The following SNX13 variants were observed in gnomAD, a reference collection of about 807,000 sequenced individuals.
SNX13 encodes the protein sorting nexin-13.
SNX13 carries 45 observed loss-of-function variants against 133.6 expected under a neutral mutation model. That is an observed-to-expected ratio of 0.34 (90% CI 0.27 to 0.43). SNX13 has a LOEUF of 0.43. Among genes scored for constraint, SNX13 ranks in the 20% least tolerant of loss-of-function variants. SNX13 has a pLI of 1.00. For synonymous variants in SNX13, 414 were observed against 373.9 expected (o/e 1.11, Z -1.24); for missense variants, 1,032 against 1,145.1 (o/e 0.90, Z 1.43).
chr7:17,877,070 C>T (rs534805849), intron 5 of SNX13, among the ~76,000 whole-genome samples: 1 of 113,936 alleles, frequency 8.8e-6, no homozygotes, highest in African/African-American at 3.4e-5. Flanking sequence ...AAAAAAAAAG[C>T]CTTAAAGAGT....
chr7:17,805,250 T>TGTGTGTGTGTGTGTGTGTGCGC lies in SNX13; in HGVS notation c.2065-1671_2065-1670insGCGCACACACACACACACACAC. On this transcript the variant is annotated intron_variant, in intron 20 of 25. Coordinates refer to ENST00000428135, the MANE Select transcript of SNX13 (RefSeq NM_015132.5). Reference sequence around the variant, plus strand: ...GTGTGTGTGTGTGTGTGTGTGTGTGTGCGTGCGCGCGCGCGCATGCATGCA... The same window carrying TGTGTGTGTGTGTGTGTGTGCGC: ...GTGTGTGTGTGTGTGTGTGTGTGTGTGTGTGTGTGTGTGTGTGTGCGCGCGTGCGCGCGCGCGCATGCATGCA... Among the ~76,000 whole-genome samples, 167 of 95,566 alleles carry TGTGTGTGTGTGTGTGTGTGCGC rather than the reference T, an allele frequency of 1.7e-3. 3 individuals are homozygous for TGTGTGTGTGTGTGTGTGTGCGC. The highest frequency in any genetic ancestry group is 2.9e-3 in the African/African-American group (93 of 31,852). 62.7% of individuals were successfully genotyped at this position (95,566 alleles called of 152,430 possible). A position where few individuals can be genotyped will look rare whatever the true frequency, so the allele number is the denominator to read the frequency against.
chr7:17,796,892 C>A lies in SNX13; in HGVS notation c.2561G>T (p.Arg854Ile). 6.2e-7 allele frequency: 1 copy of A among 1,611,300 alleles called. No homozygotes were observed. Among genetic ancestry groups the A allele is most frequent in the South Asian group, 1.1e-5 (1 of 90,986 alleles). Residue 854 changes from arginine (R) to isoleucine (I), a missense_variant, in exon 25 of 26, where the codon AGA becomes ATA. By Grantham distance (97) the Arg-to-Ile change is moderately conservative. Transcript: ENST00000428135. ...TGTTCTCATTCGAATACTTTTATCTCTGCATGGAACAGCCTCTGCTAAAAT... is the reference window on the plus strand; with the variant it reads ...TGTTCTCATTCGAATACTTTTATCTATGCATGGAACAGCCTCTGCTAAAAT... ...NGILAEAVPCRDKSIRMRTRV... is the reference protein window; with the variant it reads ...NGILAEAVPCIDKSIRMRTRV...
intron 5 of SNX13, among the ~76,000 whole-genome samples, chr7:17,876,956 A>G (rs971045750): frequency 6.6e-6 from 1 of 151,824 alleles, no homozygotes; most frequent in South Asian, 2.1e-4. Context: ...GGAGGAACCA[A>G]AAAAGTATGC....
At chr7:17,817,533 A>AC (rs1342154202) in intron 18 of SNX13, among the ~76,000 whole-genome samples, 1 of 152,228 alleles carries the variant, frequency 6.6e-6, no homozygotes, top group Non-Finnish European at 1.5e-5. Flanking sequence ...TAAAAGAAGG[A>AC]CAAATCTGAT....
chr7:17,794,570 A>G (rs977003994), intron 25 of SNX13: 3 of 316,944 alleles, frequency 9.5e-6, no homozygotes, highest in African/African-American at 6.4e-5. Context: ...AACTATGATT[A>G]CAAACATGTC....
At chr7:17,818,910 A>C (rs1351049967) in intron 18 of SNX13, among the ~76,000 whole-genome samples, 1 of 152,204 alleles carries the variant, frequency 6.6e-6, no homozygotes, top group Non-Finnish European at 1.5e-5. Context: ...TAATATGATC[A>C]TTTAAATCAT....
rs887537475 is a variant in SNX13 at position 17,798,068 on chromosome 7, T to C, written c.2513+622A>G. 1.2e-4 allele frequency among the ~76,000 whole-genome samples: 18 copies of C among 152,000 alleles called. No individual in the cohort carries two copies. In the East Asian group the frequency reaches 3.5e-3, roughly 29 times the overall value. ...CTTTCCTTCCCTTCAAAATACATGATGCCATGAATTTTTACGCATTGCTTA... is the reference window on the plus strand; with the variant it reads ...CTTTCCTTCCCTTCAAAATACATGACGCCATGAATTTTTACGCATTGCTTA... On this transcript the variant is annotated intron_variant, in intron 24 of 25. Coordinates refer to ENST00000428135, the MANE Select transcript of SNX13 (RefSeq NM_015132.5).
intron 20 of SNX13, among the ~76,000 whole-genome samples, chr7:17,805,238 T>TGCGC (rs1314390572): frequency 1.8e-5 from 2 of 113,004 alleles, no homozygotes; most frequent in Non-Finnish European, 3.9e-5. Flanking sequence ...TGTGTGTGTG[T>TGCGC]GTGTGTGTGT....
At chr7:17,820,482 C>T (rs997327974) in intron 18 of SNX13, among the ~76,000 whole-genome samples, 3 of 152,088 alleles carry the variant, frequency 2.0e-5, no homozygotes, top group Non-Finnish European at 4.4e-5. Context: ...CAGAAGAATG[C>T]GCATGTCCAA....
chr7:17,864,486 A>G lies in SNX13; in HGVS notation c.837+3921T>C, dbSNP rs1327705801. Among the ~76,000 whole-genome samples, 3 of 152,150 alleles carry G rather than the reference A, an allele frequency of 2.0e-5. No homozygotes were observed. In the South Asian group the frequency reaches 6.2e-4, roughly 32 times the overall value. ...ATAGAGAAAAAAAGAATCTGAAAACAAATGAAGCATACCCACAAGATCTAG... is the reference window on the plus strand; with the variant it reads ...ATAGAGAAAAAAAGAATCTGAAAACGAATGAAGCATACCCACAAGATCTAG... On this transcript the variant is annotated intron_variant, in intron 9 of 25. Transcript: ENST00000428135.
chr7:17,936,332 C>A (rs573203368), intron 1 of SNX13, among the ~76,000 whole-genome samples: 7 of 152,270 alleles, frequency 4.6e-5, no homozygotes, highest in Non-Finnish European at 8.8e-5. Context: ...CCATTTATAT[C>A]AGATCTGTTA....
intron 10 of SNX13, 136 bp downstream of exon 10, chr7:17,850,690 T>C (rs1014407834): frequency 2.7e-6 from 2 of 736,448 alleles, no homozygotes; most frequent in Non-Finnish European, 4.1e-6. Flanking sequence ...ACTAAGCACA[T>C]GTTAACCTAA....
At chr7:17,892,312 T>C (rs1260625928) in intron 3 of SNX13, among the ~76,000 whole-genome samples, 3 of 152,140 alleles carry the variant, frequency 2.0e-5, no homozygotes, top group African/African-American at 7.2e-5. Flanking sequence ...ATAAAACCCA[T>C]TGTTTTATAC....
At chr7:17,816,471 G>A (rs1435374080) in intron 18 of SNX13, among the ~76,000 whole-genome samples, 182 bp from the exon 19 acceptor site, 1 of 152,142 alleles carries the variant, frequency 6.6e-6, no homozygotes, top group African/African-American at 2.4e-5. Flanking sequence ...AGATCAGCCT[G>A]ACCAACATAG....
At chr7:17,810,775 T>A (rs1312132402) in intron 20 of SNX13, among the ~76,000 whole-genome samples, 1 of 152,186 alleles carries the variant, frequency 6.6e-6, no homozygotes, top group East Asian at 1.9e-4. Context: ...TGAAACTGAA[T>A]CCAGCAGCAC....
chr7:17,831,237 T>G, intron 15 of SNX13: 1 of 983,916 alleles, frequency 1.0e-6, no homozygotes, highest in Non-Finnish European at 1.2e-6. Context: ...AATCAAGAAT[T>G]GGATGACTAC....
In SNX13 at chr7:17,834,140, G is replaced by A. The variant is rs1788850107; in HGVS notation, c.1509C>T (p.Phe503=). ...TGCGCACATAAAGTGCATTCTGTCT[G>A]AAGGAAGGATAAAATCTTTCATCTC... ...MLRDERFYPS[F]RQNALYVRML... Residue 503 remains phenylalanine, a synonymous_variant, in exon 15 of 26, where the codon TTC becomes TTT. Coordinates refer to ENST00000428135, the MANE Select transcript of SNX13 (RefSeq NM_015132.5). 1.3e-6 allele frequency: 2 copies of A among 1,595,544 alleles called. No homozygotes were observed. The highest frequency in any genetic ancestry group is 1.3e-5 in the African/African-American group (1 of 74,614).
At chr7:17,821,795 A>C in intron 17 of SNX13, 147 bp from the exon 18 acceptor site, 1 of 876,938 alleles carries the variant, frequency 1.1e-6, no homozygotes. Flanking sequence ...AGACTGAGAC[A>C]GAAGGATGTC....
chr7:17,853,128 T>C (rs922555474), intron 9 of SNX13, among the ~76,000 whole-genome samples: 3 of 152,128 alleles, frequency 2.0e-5, no homozygotes, highest in Non-Finnish European at 4.4e-5. Flanking sequence ...ACAAATGAGA[T>C]GAGTGCTCAT....
Sources: gnomAD v4.1 joint callset for allele counts (sites outside exome capture counted in the v4.1 genomes callset) on GRCh38, gnomAD v4.1.1 for gene constraint, MANE v1.5 for transcripts, NCBI Gene and HGNC (gene_info 2026-07-23, HGNC 2026-07-21) for gene names.